The following ADAMTS13 variants were observed in gnomAD, a reference collection of about 807,000 sequenced individuals.
ADAMTS13 encodes ADAM metallopeptidase with thrombospondin type 1 motif 13.
A neutral mutation model predicts 155.1 loss-of-function variants in ADAMTS13; 110 were observed. The observed-to-expected ratio is 0.71, with a 90% confidence interval of 0.61 to 0.83. The LOEUF (loss-of-function observed/expected upper bound fraction) is 0.83. ADAMTS13 is among the 40% of genes least tolerant of loss of function. The pLI, the probability that ADAMTS13 is intolerant of heterozygous loss-of-function variation, is 0.00. For missense variants in ADAMTS13, 1,707 were observed against 1,891.7 expected (o/e 0.90, Z 1.81); for synonymous variants, 758 against 756.4 (o/e 1.00, Z -0.03).
Position 133,450,170 on chromosome 9 carries a change from C to T in ADAMTS13, c.3044+205C>T, listed in dbSNP as rs140407064. Among the ~76,000 whole-genome samples, 355 of 151,530 alleles carry T rather than the reference C, an allele frequency of 2.3e-3. 3 individuals are homozygous for T. The highest frequency in any genetic ancestry group is 3.4e-3 in the Non-Finnish European group (230 of 67,884). ...AGACGGGGCCAGGTGTGGTGGCTCA[C>T]GCCTGTAATCCCAGCGCTATGGAAG... On this transcript the variant is annotated intron_variant, in intron 23 of 28. Coordinates refer to ENST00000355699, the MANE Select transcript of ADAMTS13 (RefSeq NM_139027.6).
At chr9:133,417,438 C>A (rs1324020683), upstream of ADAMTS13, among the ~76,000 whole-genome samples, 1 of 152,256 alleles carries the variant, frequency 6.6e-6, no homozygotes, top group Non-Finnish European at 1.5e-5. Flanking sequence ...TCATCAATTT[C>A]TTTCAAGCAA....
chr9:133,446,909 G>A lies in ADAMTS13; in HGVS notation c.2731+1090G>A, dbSNP rs1419700581. Among the ~76,000 whole-genome samples, 4 of 152,176 alleles carry A rather than the reference G, an allele frequency of 2.6e-5. No homozygotes were observed. In the East Asian group the frequency reaches 7.7e-4, roughly 29 times the overall value. ...GTCTCATTCTGTTGCCGAGGCTGGAGTGCAGTGGCATGATCTTGGCTCATT... is the reference window on the plus strand; with the variant it reads ...GTCTCATTCTGTTGCCGAGGCTGGAATGCAGTGGCATGATCTTGGCTCATT... On this transcript the variant is annotated intron_variant, in intron 21 of 28. Transcript: ENST00000355699.
intron 11 of ADAMTS13, among the ~76,000 whole-genome samples, chr9:133,434,198 G>A (rs909165387): frequency 2.0e-5 from 3 of 152,068 alleles, no homozygotes; most frequent in African/African-American, 4.8e-5. Context: ...GAAGCGTCCC[G>A]CCTCCCTCCC....
At chr9:133,423,245 T>C (rs781791049) in intron 2 of ADAMTS13, 78 bp downstream of exon 2, 9 of 1,412,616 alleles carry the variant, frequency 6.4e-6, no homozygotes, top group Non-Finnish European at 9.0e-6. Flanking sequence ...GAGTCAGTGG[T>C]CTGGGATTTT....
rs647172 is a variant in ADAMTS13 at position 133,439,111 on chromosome 9, G to C, written c.1706-255G>C. Among the ~76,000 whole-genome samples, 15,016 of 152,190 alleles carry C rather than the reference G, an allele frequency of 0.099. 806 individuals are homozygous for C. The highest frequency in any genetic ancestry group is 0.14 in the African/African-American group (5,877 of 41,526). On this transcript the variant is annotated intron_variant, in intron 14 of 28. Transcript: ENST00000355699. ...GTGCTTCTATGGAGAGCAGAGACTTGAGCCCTGCCTCCCTCTGGCTTGCCC... is the reference window on the plus strand; with the variant it reads ...GTGCTTCTATGGAGAGCAGAGACTTCAGCCCTGCCTCCCTCTGGCTTGCCC...
Position 133,436,917 on chromosome 9 carries a change from CCTT to C in ADAMTS13, c.1400_1402del (p.Phe467del), listed in dbSNP as rs1841279846. 2 of 1,591,530 alleles carry C rather than the reference CCTT, an allele frequency of 1.3e-6. No individual in the cohort carries two copies. The highest frequency in any genetic ancestry group is 1.3e-5 in the African/African-American group (1 of 74,750). Reference sequence around the variant, plus strand: ...CTGCGCTCCTCCCCTGGCGGCGCCTCCTTCTACCACTGGGGTGCTGCTGTACCA... The same window carrying C: ...CTGCGCTCCTCCCCTGGCGGCGCCTCCTACCACTGGGGTGCTGCTGTACCA... On this transcript the variant is annotated inframe_deletion, in exon 12 of 29. Transcript: ENST00000355699.
chr9:133,430,682 CT>C (rs369703236), intron 8 of ADAMTS13, among the ~76,000 whole-genome samples: 75 of 142,056 alleles, frequency 5.3e-4, no homozygotes, highest in African/African-American at 1.3e-3. Flanking sequence ...AAATACAAGT[CT>C]TTTTTTTTCC....
Position 133,440,769 on chromosome 9 carries a change from G to A in ADAMTS13, c.1968+244G>A, listed in dbSNP as rs1841612634. Among the ~76,000 whole-genome samples, 1 of 152,184 alleles carries A rather than the reference G, an allele frequency of 6.6e-6. No homozygotes were observed. Among genetic ancestry groups the A allele is most frequent in the Non-Finnish European group, 1.5e-5 (1 of 68,032 alleles). ...AGAGCCCGTGGGAGAAGGCCCTGCA[G>A]TTCTGGGATCAGGTAAGGTTGGAGG... On this transcript the variant is annotated intron_variant, in intron 16 of 28. Transcript: ENST00000355699. The surrounding 1 kb of genome is among the most constrained non-coding windows in gnomAD (Gnocchi z 4.3).
At chr9:133,453,753 G>C (rs587666011) in intron 23 of ADAMTS13, among the ~76,000 whole-genome samples, 1 of 152,330 alleles carries the variant, frequency 6.6e-6, no homozygotes, top group South Asian at 2.1e-4. Context: ...GCTCATGCCA[G>C]TGATGCCCCA....
Position 133,440,553 on chromosome 9 carries a change from G to C in ADAMTS13, c.1968+28G>C. The stretch of plus-strand genomic sequence containing the variant: ...CAGCAGGAGAGCCTGGGGGAGGCCA[G>C]TGGGGGCTTCTTCTTGGGGGCTATG... On this transcript the variant is annotated intron_variant, in intron 16 of 28. Coordinates refer to ENST00000355699, the MANE Select transcript of ADAMTS13 (RefSeq NM_139027.6). This position sits in a 1 kb window ranked among gnomAD's most constrained non-coding sequence, Gnocchi z 4.3. The C allele has an allele frequency of 1.3e-6, 2 of 1,566,544 alleles. No homozygotes were observed. The highest frequency in any genetic ancestry group is 1.7e-6 in the Non-Finnish European group (2 of 1,152,816).
Position 133,442,440 on chromosome 9 carries a change from C to T in ADAMTS13, c.2010C>T (p.Arg670=), listed in dbSNP as rs1169423169. 1 of 1,613,808 alleles carries T rather than the reference C, an allele frequency of 6.2e-7. No individual in the cohort carries two copies. The highest frequency in any genetic ancestry group is 1.3e-5 in the African/African-American group (1 of 74,946). The change falls in exon 17 of 29, where the codon CGC becomes CGT. Residue 670 remains arginine (R), a synonymous_variant. Transcript: ENST00000355699. ...RYGEEYGNLT[R]PDITFTYFQP... Reference sequence around the variant, plus strand: ...GCGAGGAGTATGGCAACCTCACCCGCCCAGACATCACCTTCACCTACTTCC... The same window carrying T: ...GCGAGGAGTATGGCAACCTCACCCGTCCAGACATCACCTTCACCTACTTCC...
chr9:133,458,756 A>G (rs36223200), intron 28 of ADAMTS13, among the ~76,000 whole-genome samples: 1,589 of 152,256 alleles, frequency 0.01, 43 homozygotes, highest in African/African-American at 0.035. Context: ...CAGAGGAGGC[A>G]GCCTGGCCCC....
chr9:133,453,232 C>T (rs946272081), intron 23 of ADAMTS13, among the ~76,000 whole-genome samples: 16 of 152,152 alleles, frequency 1.1e-4, no homozygotes, highest in South Asian at 8.3e-4. Context: ...GTCAGGAGAT[C>T]GAGACCATCC....
chr9:133,425,795 C>T lies in ADAMTS13; in HGVS notation c.415-143C>T, dbSNP rs1840240957. 2 of 1,477,944 alleles carry T rather than the reference C, an allele frequency of 1.4e-6. No individual in the cohort carries two copies. Among genetic ancestry groups the T allele is most frequent in the African/African-American group, 1.4e-5 (1 of 71,734 alleles). 91.6% of individuals were successfully genotyped at this position (1,477,944 alleles called of 1,614,324 possible). On this transcript the variant is annotated intron_variant, in intron 4 of 28. Coordinates refer to ENST00000355699, the MANE Select transcript of ADAMTS13 (RefSeq NM_139027.6). This position sits in a 1 kb window ranked among gnomAD's most constrained non-coding sequence, Gnocchi z 4.6. ...GCACTCAGCACAGGCTGCCTGACTA[C>T]TTCTCTGAGCCTCAGTTGTCTCATC...
In ADAMTS13 at chr9:133,414,373, A is replaced by T. The variant is rs1002298160; in HGVS notation, n.16A>T. The T allele has an allele frequency of 3.7e-5, 23 of 618,206 alleles. No individual in the cohort carries two copies. The Admixed American group carries it at 4.4e-4, about 12-fold the overall frequency. The allele number at this position is 618,206 out of a possible 1,614,324, so 38.3% of individuals were successfully genotyped here. On this transcript the variant is annotated non_coding_transcript_exon_variant, in exon 1 of 18. Coordinates refer to the ADAMTS13 transcript ENST00000485925. ...CCAAACCACCCAACTGGCGAGAAGCAGGGACAGGCCTCATACTTGGGTCTT... is the reference window on the plus strand; with the variant it reads ...CCAAACCACCCAACTGGCGAGAAGCTGGGACAGGCCTCATACTTGGGTCTT...
At chr9:133,451,009 C>T (rs1842405352) in intron 23 of ADAMTS13, among the ~76,000 whole-genome samples, 1 of 152,220 alleles carries the variant, frequency 6.6e-6, no homozygotes, top group South Asian at 2.1e-4. Flanking sequence ...CACACAGCCA[C>T]ACTAGGACAC....
intron 8 of ADAMTS13, among the ~76,000 whole-genome samples, chr9:133,430,693 CTATTT>C (rs1564415077): frequency 1.4e-5 from 2 of 139,682 alleles, no homozygotes; most frequent in Non-Finnish European, 1.5e-5. Flanking sequence ...TTTTTTTTTC[CTATTT>C]TTTTTTTTTT....
At chr9:133,451,645 C>G (rs1008623148) in intron 23 of ADAMTS13, among the ~76,000 whole-genome samples, 2 of 152,166 alleles carry the variant, frequency 1.3e-5, no homozygotes, top group South Asian at 2.1e-4. Context: ...AATCTCAGCA[C>G]TTCAGGAGGC....
chr9:133,424,323 C>T lies in ADAMTS13; in HGVS notation c.175C>T (p.Arg59Cys), dbSNP rs139735640. 2.3e-4 allele frequency: 363 copies of T among 1,612,410 alleles called. No homozygotes were observed. In the African/African-American group the frequency reaches 2.6e-3, roughly 12 times the overall value. The change falls in exon 3 of 29, where the codon CGC (arginine) becomes TGC (cysteine). Residue 59 changes from arginine to cysteine, a missense_variant and splice_region_variant. Physicochemically the swap from Arg to Cys is radical, Grantham distance 180. Transcript: ENST00000355699. The surrounding 1 kb of genome is among the most constrained non-coding windows in gnomAD (Gnocchi z 4.3). Reference sequence around the variant, plus strand: ...CTGCTCTCCCTCTCCCCCTCCAGGCCGCCCTCCTTCCCCTGGCTTCCAGAG... The same window carrying T: ...CTGCTCTCCCTCTCCCCCTCCAGGCTGCCCTCCTTCCCCTGGCTTCCAGAG... ...YLSPGAPLKG[R>C]PPSPGFQRQR...
Sources: gnomAD v4.1 joint callset for allele counts (sites outside exome capture counted in the v4.1 genomes callset) on GRCh38, gnomAD v4.1.1 for gene constraint, Gnocchi (gnomAD v3.1) non-coding constraint, MANE v1.5 for transcripts, NCBI Gene and HGNC (gene_info 2026-07-23, HGNC 2026-07-21) for gene names.